DAB1: variants seen among roughly 807,000 people sequenced by gnomAD.
DAB1 encodes the protein DAB adaptor protein 1, also known as disabled homolog 1.
A neutral mutation model predicts 64.6 loss-of-function variants in DAB1; 15 were observed. The observed-to-expected ratio is 0.23, with a 90% CI of 0.16 to 0.36. The LOEUF (loss-of-function observed/expected upper bound fraction) is 0.36, where lower values mean the gene tolerates loss of function less well. Among genes scored for constraint, DAB1 ranks in the 10% least tolerant of loss-of-function variants. The probability of loss-of-function intolerance (pLI) is 1.00; values close to 1 mark genes in which losing one functional copy is unlikely to be tolerated. For missense variants in DAB1, 596 were observed against 706.7 expected (o/e 0.84, Z 1.78); for synonymous variants, 235 against 251.9 (o/e 0.93, Z 0.64).
intron 7 of DAB1, chr1:57,605,772 T>G: frequency 2.8e-6 from 1 of 360,722 alleles, no homozygotes; most frequent in Admixed American, 3.5e-5. Flanking sequence ...TTGATGGCCT[T>G]GGGTACCATA....
At chr1:57,042,201 A>G (rs1422168732) in intron 9 of DAB1, among the ~76,000 whole-genome samples, 1 of 152,186 alleles carries the variant, frequency 6.6e-6, no homozygotes, top group Non-Finnish European at 1.5e-5. Flanking sequence ...CCTGGAAGGC[A>G]GCCTTAAGGT....
intron 5 of DAB1, among the ~76,000 whole-genome samples, chr1:57,971,511 CCAG>C (rs1557587195): frequency 6.6e-6 from 1 of 152,166 alleles, no homozygotes; most frequent in Non-Finnish European, 1.5e-5. Context: ...ATTCCACTTG[CCAG>C]CTTGGCAACA....
chr1:57,484,759 A>G (rs1644068072), intron 7 of DAB1, among the ~76,000 whole-genome samples: 2 of 152,204 alleles, frequency 1.3e-5, no homozygotes, highest in South Asian at 4.1e-4. Flanking sequence ...ATTGGAAAAG[A>G]GGTCTCAGTA....
intron 1 of DAB1, among the ~76,000 whole-genome samples, chr1:57,841,690 G>T (rs1367705212): frequency 6.6e-6 from 1 of 152,218 alleles, no homozygotes; most frequent in African/African-American, 2.4e-5. Context: ...GGAATGCAGG[G>T]TGCCACATCT....
intron 2 of DAB1, among the ~76,000 whole-genome samples, chr1:57,221,368 C>T (rs1455592596): frequency 8.6e-5 from 13 of 150,432 alleles, no homozygotes; most frequent in Admixed American, 8.6e-4. Flanking sequence ...GCACGTTGTG[C>T]ACATGTACCC....
At position 57,329,854 on chromosome 1, in the gene DAB1, A is replaced by C. The variant is rs534585566; in HGVS notation, c.-136-38688T>G. 3.3e-5 allele frequency among the ~76,000 whole-genome samples: 5 copies of C among 152,308 alleles called. No individual in the cohort carries two copies. In the East Asian group the frequency reaches 9.6e-4, roughly 29 times the overall value. On this transcript the variant is annotated intron_variant, in intron 1 of 14. Transcript: ENST00000371236. ...TAATCTGGAAGAGGTCAATCAATAA[A>C]AATAATTGAATAATTGATGATGTTG...
chr1:57,882,403 A>G (rs569879825), intron 1 of DAB1, among the ~76,000 whole-genome samples: 1 of 152,188 alleles, frequency 6.6e-6, no homozygotes, highest in Non-Finnish European at 1.5e-5. Context: ...AGACTATGGA[A>G]CAGCCTCCTA....
chr1:57,189,854 A>C lies in DAB1; in HGVS notation c.68-44425T>G, dbSNP rs1663960114. 2.0e-5 allele frequency among the ~76,000 whole-genome samples: 3 copies of C among 151,802 alleles called. No individual in the cohort carries two copies. The South Asian group carries it at 6.2e-4, about 32-fold the overall frequency. The stretch of plus-strand genomic sequence containing the variant: ...ATTGCAAAGGGAAGGGGAAAAAAAA[A>C]AAAAAACACAACAGAAAACAACCAT... On this transcript the variant is annotated intron_variant, in intron 2 of 14. Coordinates refer to ENST00000371236, the MANE Select transcript of DAB1 (RefSeq NM_001365792.1).
At chr1:57,417,131 G>T (rs1174636740) in intron 1 of DAB1, among the ~76,000 whole-genome samples, 1 of 152,154 alleles carries the variant, frequency 6.6e-6, no homozygotes, top group Non-Finnish European at 1.5e-5. Flanking sequence ...GGGGACGTAT[G>T]ATCAGAGAAA....
At chr1:57,071,398 A>G (rs1332908912) in intron 6 of DAB1, 124 bp downstream of exon 6, 2 of 1,186,572 alleles carry the variant, frequency 1.7e-6, no homozygotes, top group Non-Finnish European at 2.4e-6. Flanking sequence ...TGTAATTTAC[A>G]CAGGAATCTT....
chr1:58,300,628 G>GAC lies in DAB1; in HGVS notation n.309+42723_309+42724insGT, dbSNP rs1378344938. Among the ~76,000 whole-genome samples, 511 of 54,238 alleles carry GAC rather than the reference G, an allele frequency of 9.4e-3. 15 individuals carry two copies. Among genetic ancestry groups the GAC allele is most frequent in the Non-Finnish European group, 0.012 (291 of 23,794 alleles). The allele number at this position is 54,238 out of a possible 152,430, so 35.6% of individuals were successfully genotyped here. ...AGAAAGAAAGAGAGAGAGAGAGAGAGAGAGAGAGAGAGAGAGAGAGGAAGG... is the reference window on the plus strand; with the variant it reads ...AGAAAGAAAGAGAGAGAGAGAGAGAGACAGAGAGAGAGAGAGAGAGAGGAAGG... On this transcript the variant is annotated intron_variant and non_coding_transcript_variant, in intron 4 of 20. Transcript: ENST00000485760.
intron 5 of DAB1, among the ~76,000 whole-genome samples, chr1:58,074,862 T>C (rs1345544666): frequency 3.3e-5 from 5 of 152,028 alleles, no homozygotes; most frequent in African/African-American, 1.2e-4. Flanking sequence ...CTAGTCAGCA[T>C]CATGTAATAT....
intron 4 of DAB1, among the ~76,000 whole-genome samples, chr1:58,332,435 C>T (rs1169771720): frequency 6.6e-6 from 1 of 152,162 alleles, no homozygotes; most frequent in African/African-American, 2.4e-5. Context: ...TTTCAGACCA[C>T]TGCAATAAAG....
intron 2 of DAB1, among the ~76,000 whole-genome samples, chr1:57,152,256 C>T (rs951863267): frequency 7.2e-5 from 11 of 152,164 alleles, no homozygotes; most frequent in Non-Finnish European, 1.6e-4. Flanking sequence ...TTAACACTTT[C>T]CTACTTGGCT....
rs192120900 is a variant in DAB1 at position 58,195,512 on chromosome 1, C to T, written n.310-44924G>A. ...AAAAAAGGAAAGATGTAAGAACAGA[C>T]ACACAGGATAAAGGACACACCTGTT... On this transcript the variant is annotated intron_variant and non_coding_transcript_variant, in intron 4 of 20. Transcript: ENST00000485760. 2.1e-3 allele frequency among the ~76,000 whole-genome samples: 325 copies of T among 152,308 alleles called. 4 individuals carry two copies. Among genetic ancestry groups the T allele is most frequent in the African/African-American group, 7.4e-3 (308 of 41,566 alleles).
chr1:58,145,231 G>C (rs1268674885), intron 5 of DAB1, among the ~76,000 whole-genome samples: 1 of 152,232 alleles, frequency 6.6e-6, no homozygotes, highest in Non-Finnish European at 1.5e-5. Flanking sequence ...TGAGATGGTA[G>C]CACAGATCCC....
At chr1:57,478,003 T>G (rs1170847279) in intron 7 of DAB1, among the ~76,000 whole-genome samples, 2 of 151,954 alleles carry the variant, frequency 1.3e-5, no homozygotes, top group Non-Finnish European at 2.9e-5. Flanking sequence ...GCTGCACCCA[T>G]TAACTCGTCA....
At chr1:58,497,058 G>A (rs1645814617) in intron 3 of DAB1, among the ~76,000 whole-genome samples, 1 of 152,162 alleles carries the variant, frequency 6.6e-6, no homozygotes, top group African/African-American at 2.4e-5. Context: ...AAAGCACTAT[G>A]AAGCTTAGTT....
chr1:57,896,524 G>A (rs1352151605), intron 5 of DAB1, among the ~76,000 whole-genome samples: 1 of 152,062 alleles, frequency 6.6e-6, no homozygotes, highest in African/African-American at 2.4e-5. Flanking sequence ...AAAATGGCTT[G>A]ATAGAGAAAT....
Sources: gnomAD v4.1 joint callset for allele counts (sites outside exome capture counted in the v4.1 genomes callset) on GRCh38, gnomAD v4.1.1 for gene constraint, MANE v1.5 for transcripts, NCBI Gene and HGNC (gene_info 2026-07-23, HGNC 2026-07-21) for gene names.